OR7A10: variants seen among roughly 807,000 people sequenced by gnomAD.
The protein encoded by OR7A10 is olfactory receptor family 7 subfamily A member 10, also known as olfactory receptor 7A10.
For synonymous variants in OR7A10, 144 were observed against 144.5 expected, an observed-to-expected ratio of 1.00 and a Z score of 0.02; for missense variants, 358 against 370.1, an observed-to-expected ratio of 0.97 and a Z score of 0.27.
At chr19:14,846,424 A>G (rs1043378048) in intron 1 of OR7A10, among the ~76,000 whole-genome samples, 2 of 152,226 alleles carry the variant, frequency 1.3e-5, no homozygotes, top group Non-Finnish European at 2.9e-5. Flanking sequence ...CTAAAGCAAC[A>G]TAGAATGAAA....
chr19:14,843,507 G>A (rs1378848231), intron 1 of OR7A10, among the ~76,000 whole-genome samples: 2 of 152,144 alleles, frequency 1.3e-5, no homozygotes, highest in Admixed American at 6.5e-5. Flanking sequence ...CTGGAATTTT[G>A]TGTCTATTGG....
intron 1 of OR7A10, 113 bp from the exon 2 acceptor site, chr19:14,842,002 T>A: frequency 3.0e-6 from 2 of 658,340 alleles, no homozygotes; most frequent in Non-Finnish European, 5.1e-6. Context: ...GAAGTTAATA[T>A]CTTTTTCTTA....
chr19:14,843,800 G>T (rs749332905), intron 1 of OR7A10, among the ~76,000 whole-genome samples: 65 of 152,252 alleles, frequency 4.3e-4, no homozygotes, highest in Non-Finnish European at 5.4e-4. Context: ...GTGTTAGTTT[G>T]CTGAGAATGG....
intron 1 of OR7A10, among the ~76,000 whole-genome samples, chr19:14,844,346 G>A (rs934625997): frequency 3.9e-5 from 6 of 152,194 alleles, no homozygotes; most frequent in African/African-American, 1.2e-4. Context: ...GGGTCAGAGT[G>A]ACCACCTTCC....
chr19:14,845,006 G>A (rs1282708840), intron 1 of OR7A10, among the ~76,000 whole-genome samples: 1 of 150,384 alleles, frequency 6.6e-6, no homozygotes, highest in East Asian at 2.0e-4. Context: ...GGAATATATT[G>A]GTCCCAGGTT....
In OR7A10 at chr19:14,841,414, T is replaced by TTCAGAACACTCATGATCCAGGATG. The variant is rs1410030633; in HGVS notation, c.440_463dup (p.Leu154_Asn155insThrSerTrpIleMetSerValLeu). ...CACCATTAAGCTTTGTAACATGGAATTCAGAACACTCATGATCCAGGATGC... is the reference window on the plus strand; with the variant it reads ...CACCATTAAGCTTTGTAACATGGAATTCAGAACACTCATGATCCAGGATGTCAGAACACTCATGATCCAGGATGC... On this transcript the variant is annotated inframe_insertion, in exon 2 of 2. Coordinates refer to ENST00000641129, the MANE Select transcript of OR7A10 (RefSeq NM_001005190.2). 2 of 1,614,146 alleles carry TTCAGAACACTCATGATCCAGGATG rather than the reference T, an allele frequency of 1.2e-6. No individual in the cohort carries two copies. Among genetic ancestry groups the TTCAGAACACTCATGATCCAGGATG allele is most frequent in the East Asian group, 4.5e-5 (2 of 44,880 alleles).
chr19:14,841,623 G>A lies in OR7A10; in HGVS notation c.255C>T (p.Ile85=). 6.2e-7 allele frequency: 1 copy of A among 1,614,188 alleles called. No individual in the cohort carries two copies. The highest frequency in any genetic ancestry group is 8.5e-7 in the Non-Finnish European group (1 of 1,180,046). ...STTVPKMLVN[I]QTHNKVITYA... ...AGGTGATGACTTTGTTGTGTGTCTG[G>A]ATGTTCACCAGCATCTTCGGGACAG... Residue 85 remains isoleucine (I), a synonymous_variant, in exon 2 of 2, where the codon ATC becomes ATT. Coordinates refer to ENST00000641129, the MANE Select transcript of OR7A10 (RefSeq NM_001005190.2).
rs779436836 is a variant in OR7A10 at position 14,841,239 on chromosome 19, C to T, written c.639G>A (p.Gly213=). The T allele has an allele frequency of 6.2e-7, 1 of 1,614,098 alleles. No homozygotes were observed. Among genetic ancestry groups the T allele is most frequent in the Non-Finnish European group, 8.5e-7 (1 of 1,180,010 alleles). Reference sequence around the variant, plus strand: ...CTATCTTAGAGTAAGAGTACAGGATCCCAGTGAGGGGACCACCGCCCAGCA... The same window carrying T: ...CTATCTTAGAGTAAGAGTACAGGATTCCAGTGAGGGGACCACCGCCCAGCA... ...VALLGGGPLT[G]ILYSYSKIVS... is the part of the protein sequence containing the mutation. The change falls in exon 2 of 2, where the codon GGG becomes GGA. Residue 213 remains glycine (G), a synonymous_variant. Coordinates refer to ENST00000641129, the MANE Select transcript of OR7A10 (RefSeq NM_001005190.2).
intron 1 of OR7A10, 21 bp from the exon 2 acceptor site, chr19:14,841,910 G>A: frequency 6.9e-7 from 1 of 1,443,442 alleles, no homozygotes; most frequent in Admixed American, 2.0e-5. Flanking sequence ...GAGAGAGAGA[G>A]AGAGAGAGAG....
In OR7A10 at chr19:14,846,650, CAGTGATCTGAGATCGCGT is replaced by C. The variant is rs942721029; in HGVS notation, c.-13+1832_-13+1849del. On this transcript the variant is annotated intron_variant, in intron 1 of 1. Transcript: ENST00000641129. ...ACTTGAACCCAGGAGGTGGAGGTTG[CAGTGATCTGAGATCGCGT>C]CACTGCACTCCAGCCTGGGTGACAG... is the stretch of plus-strand genomic sequence containing the variant. 1.1e-4 allele frequency among the ~76,000 whole-genome samples: 14 copies of C among 131,734 alleles called. No individual in the cohort carries two copies. In the Admixed American group the frequency reaches 1.2e-3, roughly 12 times the overall value. The allele number at this position is 131,734 out of a possible 152,430, so 86.4% of individuals were successfully genotyped here. A position where few individuals can be genotyped will look rare whatever the true frequency, so the allele number is the denominator to read the frequency against.
In OR7A10 at chr19:14,840,749, C is replaced by A; in HGVS notation, c.*199G>T. On this transcript the variant is annotated 3_prime_UTR_variant, in exon 2 of 2. Transcript: ENST00000641129. ...TCATGTATGATTGAAAATTATATTCCGTCATATTTAAGGTCATCTCTGACT... is the reference window on the plus strand; with the variant it reads ...TCATGTATGATTGAAAATTATATTCAGTCATATTTAAGGTCATCTCTGACT... The A allele has an allele frequency of 2.2e-6, 1 of 450,420 alleles. No individual in the cohort carries two copies. Among genetic ancestry groups the A allele is most frequent in the South Asian group, 5.0e-5 (1 of 19,954 alleles). The allele number at this position is 450,420 out of a possible 1,614,324, so 27.9% of individuals were successfully genotyped here. A position where few individuals can be genotyped will look rare whatever the true frequency, so the allele number is the denominator to read the frequency against.
chr19:14,843,830 C>T (rs1244158715), intron 1 of OR7A10, among the ~76,000 whole-genome samples: 1 of 152,130 alleles, frequency 6.6e-6, no homozygotes, highest in Non-Finnish European at 1.5e-5. Context: ...CCAAACACCA[C>T]ATGTTCTCAC....
intron 1 of OR7A10, among the ~76,000 whole-genome samples, chr19:14,844,664 G>GTTTTTTTTTTTTTTTTGTTTTTTTTTT (rs2044932096): frequency 1.0e-5 from 1 of 97,660 alleles, no homozygotes; most frequent in Non-Finnish European, 2.0e-5. Context: ...TGAGTTCTGT[G>GTTTTTTTTTTTTTTTTGTTTTTTTTTT]TTTTTTTTTT....
At chr19:14,843,885 G>A (rs912043658) in intron 1 of OR7A10, among the ~76,000 whole-genome samples, 1 of 152,096 alleles carries the variant, frequency 6.6e-6, no homozygotes, top group African/African-American at 2.4e-5. Flanking sequence ...ACACAGGGAG[G>A]GGAACATCAC....
At position 14,841,593 on chromosome 19, in the gene OR7A10, T is replaced by A. The variant is rs142410864; in HGVS notation, c.285A>T (p.Ala95=). 10 of 1,614,070 alleles carry A rather than the reference T, an allele frequency of 6.2e-6. No homozygotes were observed. In the African/African-American group the frequency reaches 1.3e-4, roughly 22 times the overall value. The change falls in exon 2 of 2, where the codon GCA becomes GCT. Residue 95 remains alanine, a synonymous_variant. Coordinates refer to ENST00000641129, the MANE Select transcript of OR7A10 (RefSeq NM_001005190.2). ...AAAAGCACATCTGGGTGATGCAGCCTGCATAGGTGATGACTTTGTTGTGTG... is the reference window on the plus strand; with the variant it reads ...AAAAGCACATCTGGGTGATGCAGCCAGCATAGGTGATGACTTTGTTGTGTG... ...IQTHNKVITY[A]GCITQMCFFL...
chr19:14,846,446 T>A (rs1001946308), intron 1 of OR7A10, among the ~76,000 whole-genome samples: 4 of 151,850 alleles, frequency 2.6e-5, no homozygotes, highest in Admixed American at 6.6e-5. Context: ...TCTGAAAAAA[T>A]TTTAATATAA....
chr19:14,847,312 G>A (rs1032286348), intron 1 of OR7A10, among the ~76,000 whole-genome samples: 4 of 152,124 alleles, frequency 2.6e-5, no homozygotes, highest in Non-Finnish European at 5.9e-5. Context: ...AGGAAAAATT[G>A]CAAAGTAAAG....
chr19:14,844,497 A>T (rs1305799847), intron 1 of OR7A10, among the ~76,000 whole-genome samples: 2 of 152,142 alleles, frequency 1.3e-5, no homozygotes, highest in East Asian at 3.8e-4. Context: ...ATGGTGTCAG[A>T]GGATGATGAG....
At chr19:14,842,237 G>T (rs1334682675) in intron 1 of OR7A10, among the ~76,000 whole-genome samples, 1 of 152,116 alleles carries the variant, frequency 6.6e-6, no homozygotes, top group Non-Finnish European at 1.5e-5. Flanking sequence ...CCCTCAAATA[G>T]GTCCCAGTAT....
Sources: gnomAD v4.1 joint callset for allele counts (sites outside exome capture counted in the v4.1 genomes callset) on GRCh38, gnomAD v4.1.1 for gene constraint, MANE v1.5 for transcripts, NCBI Gene and HGNC (gene_info 2026-07-23, HGNC 2026-07-21) for gene names.